Variants in DRAM2 observed in about 807,000 individuals in gnomAD.
DRAM2 encodes the protein DNA damage-regulated autophagy modulator protein 2.
DRAM2 carries 26 observed loss-of-function variants against 33.5 expected under a neutral mutation model. The ratio of observed to expected loss-of-function variants is 0.78; its 90% CI spans 0.57 to 1.08. The LOEUF is 1.08. Ranked by LOEUF, DRAM2 falls within the 50% of genes least tolerant of loss-of-function variation. DRAM2 has a pLI of 0.00. For missense variants in DRAM2, 311 were observed against 318.1 expected (o/e 0.98, Z 0.17); for synonymous variants, 98 against 109.5 (o/e 0.89, Z 0.66).
At chr1:111,127,561 G>T (rs1651257852) in intron 4 of DRAM2, among the ~76,000 whole-genome samples, 1 of 152,008 alleles carries the variant, frequency 6.6e-6, no homozygotes, top group Admixed American at 6.6e-5. Flanking sequence ...ACATACAAAA[G>T]ATTTTGGTAC....
At chr1:111,131,182 A>G (rs1304627081) in intron 4 of DRAM2, among the ~76,000 whole-genome samples, 1 of 152,236 alleles carries the variant, frequency 6.6e-6, no homozygotes, top group Non-Finnish European at 1.5e-5. Context: ...TTACTTAGAA[A>G]ACAAGGCACT....
chr1:111,132,405 GAA>G (rs1652282312), intron 3 of DRAM2, among the ~76,000 whole-genome samples: 1 of 152,200 alleles, frequency 6.6e-6, no homozygotes. Context: ...GGGGTAGTGA[GAA>G]CCTTAGTTTA....
At chr1:111,118,662 C>T in intron 9 of DRAM2, 143 bp downstream of exon 9, 1 of 588,672 alleles carries the variant, frequency 1.7e-6, no homozygotes, top group Non-Finnish European at 2.9e-6. Flanking sequence ...TGAAAAGTTA[C>T]ATCACTTGTT....
rs780319979 is a variant in DRAM2, at chr1:111,124,726, G to T, written c.339+16C>A. 6.2e-7 allele frequency: 1 copy of T among 1,612,584 alleles called. No homozygotes were observed. Among genetic ancestry groups the T allele is most frequent in the South Asian group, 1.1e-5 (1 of 90,960 alleles). On this transcript the variant is annotated intron_variant, in intron 6 of 9. Coordinates refer to ENST00000484310, the MANE Select transcript of DRAM2 (RefSeq NM_001349884.2). ...TGTACTTAAGGAAAATACCTATGCT[G>T]GGCTAAAACACAAACCTGGAAGTTT...
chr1:111,133,507 CT>C (rs1652554270), intron 3 of DRAM2, among the ~76,000 whole-genome samples: 1 of 152,196 alleles, frequency 6.6e-6, no homozygotes, highest in African/African-American at 2.4e-5. Context: ...ATATTCACCT[CT>C]GGGCCATGCT....
In DRAM2 at chr1:111,139,972, G is replaced by C. The variant is rs781464573; in HGVS notation, c.-245+66C>G. On this transcript the variant is annotated intron_variant, in intron 1 of 9. Coordinates refer to ENST00000484310, the MANE Select transcript of DRAM2 (RefSeq NM_001349884.2). Reference sequence around the variant, plus strand: ...GAGCTGCCAGATCCCACCCTCTGACGCACCCTTCTAGAGGGAGCGGGCTGC... The same window carrying C: ...GAGCTGCCAGATCCCACCCTCTGACCCACCCTTCTAGAGGGAGCGGGCTGC... 4 of 152,538 alleles carry C rather than the reference G, an allele frequency of 2.6e-5. No individual in the cohort carries two copies. In the South Asian group the frequency reaches 8.3e-4, roughly 32 times the overall value. The allele number at this position is 152,538 out of a possible 1,614,324, so 9.4% of individuals were successfully genotyped here.
rs1163962370 is a variant in DRAM2, at chr1:111,126,220, T to C, written c.199+7A>G. 7 of 1,596,300 alleles carry C rather than the reference T, an allele frequency of 4.4e-6. No homozygotes were observed. The highest frequency in any genetic ancestry group is 6.0e-6 in the Non-Finnish European group (7 of 1,164,714). On this transcript the variant is annotated splice_region_variant and intron_variant, in intron 5 of 9. Coordinates refer to ENST00000484310, the MANE Select transcript of DRAM2 (RefSeq NM_001349884.2). ...ATTATCATGTTAAAATCACTTTCAT[T>C]ACTTACATAAAACTGCCGCAATATT...
chr1:111,122,011 G>C (rs1571021554), intron 6 of DRAM2, among the ~76,000 whole-genome samples: 2 of 152,068 alleles, frequency 1.3e-5, no homozygotes, highest in Non-Finnish European at 2.9e-5. Flanking sequence ...GCACAAAAAG[G>C]CTAGTGATAT....
At chr1:111,119,106 C>T (rs1279998791) in intron 8 of DRAM2, among the ~76,000 whole-genome samples, 4 of 151,722 alleles carry the variant, frequency 2.6e-5, no homozygotes, top group African/African-American at 7.3e-5. Flanking sequence ...TCACTGGGAG[C>T]GAATAAAATT....
chr1:111,131,264 A>G (rs962019796), intron 4 of DRAM2, among the ~76,000 whole-genome samples, 160 bp downstream of exon 4: 1 of 152,208 alleles, frequency 6.6e-6, no homozygotes, highest in Non-Finnish European at 1.5e-5. Flanking sequence ...CTCTATCACA[A>G]AGAAAAAGCC....
intron 4 of DRAM2, 129 bp from the exon 5 acceptor site, chr1:111,126,423 T>TGG: frequency 1.7e-6 from 1 of 572,154 alleles, no homozygotes; most frequent in Non-Finnish European, 3.2e-6. Context: ...GTTCAACTCA[T>TGG]ATCATTTTAT....
intron 7 of DRAM2, 64 bp from the exon 8 acceptor site, chr1:111,120,023 A>G: frequency 1.4e-6 from 2 of 1,393,640 alleles, no homozygotes; most frequent in East Asian, 4.6e-5. Context: ...ATCACTTTAC[A>G]GTCTAAAAGG....
chr1:111,131,360 C>G, intron 4 of DRAM2, 64 bp downstream of exon 4: 2 of 1,459,496 alleles, frequency 1.4e-6, no homozygotes, highest in Non-Finnish European at 1.9e-6. Flanking sequence ...TAAATGTTGA[C>G]TTCAATGTTA....
chr1:111,120,551 AAC>A lies in DRAM2; in HGVS notation c.480_481del (p.Leu161ValfsTer11). The A allele has an allele frequency of 6.2e-7, 1 of 1,611,644 alleles. No homozygotes were observed. The highest frequency in any genetic ancestry group is 8.5e-7 in the Non-Finnish European group (1 of 1,178,674). On this transcript the variant is annotated frameshift_variant, in exon 7 of 10. Transcript: ENST00000484310. LOFTEE classifies it high-confidence loss of function. Reference sequence around the variant, plus strand: ...ACTTACTCCACACCAGATAACCAACAACAGTCTGATCCAGAAGACTTGTTTGC... The same window carrying A: ...ACTTACTCCACACCAGATAACCAACAAGTCTGATCCAGAAGACTTGTTTGC...
At chr1:111,129,130 T>G (rs1423275922) in intron 4 of DRAM2, among the ~76,000 whole-genome samples, 3 of 152,232 alleles carry the variant, frequency 2.0e-5, no homozygotes, top group African/African-American at 7.2e-5. Flanking sequence ...GATCTTTTCT[T>G]GACATTTTTA....
chr1:111,129,320 T>C (rs1409295240), intron 4 of DRAM2, among the ~76,000 whole-genome samples: 1 of 152,170 alleles, frequency 6.6e-6, no homozygotes, highest in Non-Finnish European at 1.5e-5. Context: ...GAGACAGATG[T>C]TTCAAAAGCA....
chr1:111,125,012 AAAAAG>A (rs890208639), intron 5 of DRAM2, 131 bp from the exon 6 acceptor site: 10 of 843,646 alleles, frequency 1.2e-5, no homozygotes, highest in Admixed American at 6.6e-5. Context: ...CAGAGAGAAT[AAAAAG>A]AAAAAAAAAA....
intron 4 of DRAM2, among the ~76,000 whole-genome samples, chr1:111,128,189 G>A (rs1651412269): frequency 7.2e-6 from 1 of 138,608 alleles, no homozygotes; most frequent in Admixed American, 8.0e-5. Flanking sequence ...CAGGCTAACA[G>A]CTAAACCTTT....
intron 9 of DRAM2, chr1:111,118,553 T>C (rs1257971252): frequency 2.1e-6 from 1 of 486,768 alleles, no homozygotes; most frequent in Non-Finnish European, 3.6e-6. Flanking sequence ...CGATAACAAA[T>C]TCTATGTAAG....
Sources: gnomAD v4.1 joint callset for allele counts (sites outside exome capture counted in the v4.1 genomes callset) on GRCh38, gnomAD v4.1.1 for gene constraint, MANE v1.5 for transcripts, NCBI Gene and HGNC (gene_info 2026-07-23, HGNC 2026-07-21) for gene names.